FLNC: variants seen among roughly 807,000 people sequenced by gnomAD.
FLNC encodes filamin-C.
A neutral mutation model predicts 254.3 loss-of-function variants in FLNC; 91 were observed. The ratio of observed to expected loss-of-function variants is 0.36; its 90% CI spans 0.30 to 0.43. FLNC has a LOEUF of 0.43. Among genes scored for constraint, FLNC ranks in the 20% least tolerant of loss-of-function variants. The pLI is 1.00. For missense variants in FLNC, 2,853 were observed against 3,802.6 expected (o/e 0.75, Z 6.57); for synonymous variants, 1,430 against 1,577.2 (o/e 0.91, Z 2.21).
chr7:128,838,713 A>G lies in FLNC; in HGVS notation c.1321A>G (p.Arg441Gly). 6.2e-7 allele frequency: 1 copy of G among 1,613,054 alleles called. No homozygotes were observed. Residue 441 changes from arginine to glycine, a missense_variant, in exon 8 of 48, where the codon AGA becomes GGA. This residue lies in a region of FLNC where 1,573 missense variants were observed against 1,883.5 expected (regional missense o/e 0.84). Transcript: ENST00000325888. ...KGDSTFRCTYRPAMEGPHTVH... is the reference protein window; with the variant it reads ...KGDSTFRCTYGPAMEGPHTVH... ...TGACAGCACGTTCCGCTGCACATAC[A>G]GACCTGCCATGGAGGGGCCACATAC...
At chr7:128,840,437 C>T (rs1367018167) in intron 9 of FLNC, 111 bp from the exon 10 acceptor site, 14 of 1,444,776 alleles carry the variant, frequency 9.7e-6, no homozygotes, top group Admixed American at 1.8e-5. Flanking sequence ...CTCACTACAG[C>T]ACTGCCCTCG....
Position 128,835,485 on chromosome 7 carries a change from A to G in FLNC, c.512A>G (p.Asn171Ser), listed in dbSNP as rs757824715. ...PKQRLLGWIQ[N>S]KVPQLPITNF... ...CAGCGGCTGCTTGGCTGGATCCAGA[A>G]CAAGGTGCCCCAGCTGCCCATCACC... The change falls in exon 2 of 48, where the codon AAC becomes AGC. Residue 171 changes from asparagine to serine, a missense_variant. Around this residue, in one of 10 missense-constraint regions of FLNC, gnomAD observed 115 missense variants for 230.3 expected, o/e 0.50. Transcript: ENST00000325888. The surrounding 1 kb of genome is among the most constrained non-coding windows in gnomAD (Gnocchi z 5.3). The G allele has an allele frequency of 6.2e-7, 1 of 1,613,856 alleles. No individual in the cohort carries two copies. Among genetic ancestry groups the G allele is most frequent in the East Asian group, 2.2e-5 (1 of 44,888 alleles).
chr7:128,845,575 CGGGGAAAGCTTT>C (rs1808526667), intron 21 of FLNC, among the ~76,000 whole-genome samples: 4 of 151,944 alleles, frequency 2.6e-5, no homozygotes, highest in African/African-American at 7.3e-5. Flanking sequence ...GACGGGGGCA[CGGGGAAAGCTTT>C]GGGGTAGAGG....
Position 128,841,684 on chromosome 7 carries a change from G to GTCCT in FLNC, c.2121+117_2121+118insTCCT. ...GAAATGACAGCATCACAGAAGATCA[G>GTCCT]GCAGGACTGATACTCATGGGCCCAT... On this transcript the variant is annotated intron_variant, in intron 13 of 47. Coordinates refer to ENST00000325888, the MANE Select transcript of FLNC (RefSeq NM_001458.5). The surrounding 1 kb of genome is among the most constrained non-coding windows in gnomAD (Gnocchi z 4.3). 1 of 799,568 alleles carries GTCCT rather than the reference G, an allele frequency of 1.3e-6. No individual in the cohort carries two copies. Among genetic ancestry groups the GTCCT allele is most frequent in the Non-Finnish European group, 2.2e-6 (1 of 451,438 alleles). 49.5% of individuals were successfully genotyped at this position (799,568 alleles called of 1,614,324 possible). A position where few individuals can be genotyped will look rare whatever the true frequency, so the allele number is the denominator to read the frequency against.
Position 128,830,426 on chromosome 7 carries a change from C to T in FLNC, c.-212C>T. On this transcript the variant is annotated 5_prime_UTR_variant, in exon 1 of 48. Transcript: ENST00000325888. ...AGCCCGCCCTTCCCGAGCACCGCTC[C>T]GGCCCTGGAGGGAGAGAGAGCCAGA... The T allele has an allele frequency of 3.4e-6, 2 of 584,624 alleles. No individual in the cohort carries two copies. Among genetic ancestry groups the T allele is most frequent in the Non-Finnish European group, 3.0e-6 (1 of 332,860 alleles). 36.2% of individuals were successfully genotyped at this position (584,624 alleles called of 1,614,324 possible).
chr7:128,839,991 C>T (rs1322756272), intron 8 of FLNC, 32 bp from the exon 9 acceptor site: 9 of 1,607,654 alleles, frequency 5.6e-6, no homozygotes, highest in Admixed American at 3.3e-5. Flanking sequence ...GGCCCCTCAG[C>T]ACCCCCAACC....
chr7:128,851,410 G>A, intron 34 of FLNC, 45 bp from the exon 35 acceptor site: 1 of 1,613,968 alleles, frequency 6.2e-7, no homozygotes, highest in Non-Finnish European at 8.5e-7. Context: ...CCAGGGGCAG[G>A]GGTGAGGGCA....
chr7:128,853,878 G>C, intron 39 of FLNC, 41 bp downstream of exon 39: 1 of 1,613,154 alleles, frequency 6.2e-7, no homozygotes, highest in East Asian at 2.2e-5. Flanking sequence ...GGTGGTGGGA[G>C]AGGGCTGGCC....
intron 36 of FLNC, 29 bp from the exon 37 acceptor site, chr7:128,852,799 A>T: frequency 1.2e-6 from 2 of 1,613,662 alleles, no homozygotes; most frequent in Non-Finnish European, 1.7e-6. Context: ...GGCCCACAGG[A>T]TGCTCTGCCT....
Position 128,838,258 on chromosome 7 carries a change from G to A in FLNC, c.1048-9G>A, listed in dbSNP as rs897884333. ...CCCTAGAAGCTAACCTTTGACCTCT[G>A]ACCCCTAGGTGACCGTGCTCTTTGC... On this transcript the variant is annotated splice_polypyrimidine_tract_variant and intron_variant, in intron 6 of 47. Coordinates refer to ENST00000325888, the MANE Select transcript of FLNC (RefSeq NM_001458.5). 1.9e-6 allele frequency: 3 copies of A among 1,613,550 alleles called. No individual in the cohort carries two copies. In the African/African-American group the frequency reaches 4.0e-5, roughly 22 times the overall value.
intron 21 of FLNC, 149 bp downstream of exon 21, chr7:128,845,404 C>T: frequency 1.4e-6 from 1 of 731,438 alleles, no homozygotes; most frequent in Non-Finnish European, 2.4e-6. Flanking sequence ...CCTTACTGGC[C>T]CAGAAACCCC....
rs28379666 is a variant in FLNC at position 128,858,463 on chromosome 7, C to T, written c.8118C>T (p.Leu2706=). Residue 2706 remains leucine (L), a synonymous_variant, in exon 48 of 48, where the codon CTC becomes CTT. Transcript: ENST00000325888. The surrounding 1 kb of genome is among the most constrained non-coding windows in gnomAD (Gnocchi z 6.7). ...YTVKEKGDYI[L]IVKWGDESVP... ...TCAAGGAGAAAGGGGACTACATCCT[C>T]ATTGTCAAGTGGGGTGACGAAAGTG... 5.1e-3 allele frequency: 8,193 copies of T among 1,608,226 alleles called. 159 individuals carry two copies. The highest frequency in any genetic ancestry group is 0.036 in the African/African-American group (2,661 of 73,608).
At position 128,846,149 on chromosome 7, in the gene FLNC, C is replaced by T; in HGVS notation, c.3950C>T (p.Thr1317Ile). 1 of 1,613,868 alleles carries T rather than the reference C, an allele frequency of 6.2e-7. No homozygotes were observed. The highest frequency in any genetic ancestry group is 8.5e-7 in the Non-Finnish European group (1 of 1,179,946). ...GACGGCACCTACCGAGTGCAGTACA[C>T]CGCCTACGAGGAGGGTGAGGGCCGG... The part of the protein sequence containing the change: ...NGDGTYRVQY[T>I]AYEEGVHLVE... The change falls in exon 22 of 48, where the codon ACC (threonine) becomes ATC (isoleucine). Residue 1317 changes from threonine (T) to isoleucine (I), a missense_variant. Physicochemically the swap from Thr to Ile is moderately conservative, Grantham distance 89 (BLOSUM62 -1). Transcript: ENST00000325888.
chr7:128,843,482 T>G lies in FLNC; in HGVS notation c.2716T>G (p.Phe906Val). Residue 906 changes from phenylalanine to valine, a missense_variant, in exon 18 of 48, where the codon TTT (phenylalanine) becomes GTT (valine). By Grantham distance (50) the Phe-to-Val change is conservative (BLOSUM62 -1). This residue lies in a region of FLNC where 1,573 missense variants were observed against 1,883.5 expected (regional missense o/e 0.84). Coordinates refer to ENST00000325888, the MANE Select transcript of FLNC (RefSeq NM_001458.5). ...CGGCAAGGCCAAGCTGGATGTGCAG[T>G]TTGCAGGGACAGCCAAGGGCGAGGT... ...GAGKAKLDVQFAGTAKGEVVR... is the reference protein window; with the variant it reads ...GAGKAKLDVQVAGTAKGEVVR... 6.2e-7 allele frequency: 1 copy of G among 1,614,098 alleles called. No individual in the cohort carries two copies. The highest frequency in any genetic ancestry group is 8.5e-7 in the Non-Finnish European group (1 of 1,180,022).
rs35281128 is a variant in FLNC at position 128,845,089 on chromosome 7, G to A, written c.3624G>A (p.Ala1208=). The A allele has an allele frequency of 0.016, 25,055 of 1,613,804 alleles. 1,985 individuals are homozygous for A. In the African/African-American group the frequency reaches 0.21, roughly 14 times the overall value. ...VKAEVLIHNN[A]DGTYHITYSP... ...CCGAGGTGCTGATCCACAACAACGC[G>A]GATGGCACCTACCACATCACCTACA... The change falls in exon 21 of 48, where the codon GCG becomes GCA. Residue 1208 remains alanine (A), a synonymous_variant. Coordinates refer to ENST00000325888, the MANE Select transcript of FLNC (RefSeq NM_001458.5).
At position 128,840,017 on chromosome 7, in the gene FLNC, C is replaced by A; in HGVS notation, c.1412-6C>A. The A allele has an allele frequency of 6.2e-7, 1 of 1,612,752 alleles. No homozygotes were observed. Among genetic ancestry groups the A allele is most frequent in the South Asian group, 1.1e-5 (1 of 91,076 alleles). On this transcript the variant is annotated splice_polypyrimidine_tract_variant and splice_region_variant and intron_variant, in intron 8 of 47. Transcript: ENST00000325888. ...ACCCCCAACCTCCTTTCTCTTCCTC[C>A]CCTAGCCTGTAACCCCAACGCCTGC...
intron 28 of FLNC, 64 bp from the exon 29 acceptor site, chr7:128,849,117 C>T: frequency 1.3e-6 from 2 of 1,546,684 alleles, no homozygotes; most frequent in South Asian, 1.1e-5. Context: ...CCCTCCCTCA[C>T]CCCCGCCCAA....
chr7:128,853,064 C>T (rs570082311), intron 37 of FLNC, 33 bp downstream of exon 37: 6 of 1,595,814 alleles, frequency 3.8e-6, no homozygotes, highest in South Asian at 2.2e-5. Context: ...CCCATTCCAG[C>T]GGGTGCCTCC....
chr7:128,842,976 C>A lies in FLNC; in HGVS notation c.2550+22C>A, dbSNP rs745390714. The A allele has an allele frequency of 1.2e-6, 2 of 1,613,024 alleles. No individual in the cohort carries two copies. Among genetic ancestry groups the A allele is most frequent in the East Asian group, 2.2e-5 (1 of 44,892 alleles). On this transcript the variant is annotated intron_variant, in intron 16 of 47. Transcript: ENST00000325888. This position sits in a 1 kb window ranked among gnomAD's most constrained non-coding sequence, Gnocchi z 5.4. ...CCAGGTACCTAAGCTCCTGGGTACT[C>A]ACAGCGACATGCACCTGCCAGCTCC...
Sources: allele counts gnomAD v4.1 joint callset (sites outside exome capture counted in the v4.1 genomes callset), GRCh38; gene constraint gnomAD v4.1.1; regional missense constraint gnomAD v4.1.1; non-coding constraint Gnocchi (gnomAD v3.1); transcripts MANE v1.5; gene names NCBI Gene and HGNC (gene_info 2026-07-23, HGNC 2026-07-21).